The following TRAF3 variants were observed in gnomAD, a reference collection of about 807,000 sequenced individuals.
TRAF3 encodes the protein TNF receptor-associated factor 3.
TRAF3 carries 13 observed loss-of-function variants against 62.3 expected under a neutral mutation model. The ratio of observed to expected loss-of-function variants is 0.21; its 90% confidence interval spans 0.14 to 0.33. The LOEUF is 0.33. Among genes scored for constraint, TRAF3 ranks in the 10% least tolerant of loss-of-function variants. The pLI, the probability that TRAF3 is intolerant of heterozygous loss-of-function variation, is 1.00. For synonymous variants in TRAF3, 269 were observed against 283.4 expected (o/e 0.95, Z 0.51); for missense variants, 440 against 741.8 (o/e 0.59, Z 4.73).
chr14:102,857,962 T>C (rs1437278547), intron 2 of TRAF3, among the ~76,000 whole-genome samples: 1 of 152,184 alleles, frequency 6.6e-6, no homozygotes, highest in Non-Finnish European at 1.5e-5. Flanking sequence ...CTTTACTCAA[T>C]TGTCAAAAGC....
At chr14:102,818,460 G>T (rs1011859943) in intron 1 of TRAF3, among the ~76,000 whole-genome samples, 1 of 152,178 alleles carries the variant, frequency 6.6e-6, no homozygotes, top group African/African-American at 2.4e-5. Flanking sequence ...TCTTCTTGTG[G>T]ACAGATCAGG....
intron 9 of TRAF3, chr14:102,895,174 A>G (rs1173307999): frequency 2.2e-6 from 1 of 453,776 alleles, no homozygotes; most frequent in South Asian, 1.6e-5. Context: ...GCGATGCTGC[A>G]TATGGCCCGC....
chr14:102,884,102 G>A lies in TRAF3; in HGVS notation c.571-2087G>A, dbSNP rs111575294. ...TTATCCTGTCATAGTTCTGGGTCTG[G>A]AAATGCAAAACCAAGGCCCTGCTGT... On this transcript the variant is annotated intron_variant, in intron 6 of 11. Coordinates refer to ENST00000392745, the MANE Select transcript of TRAF3 (RefSeq NM_145725.3). 2.5e-3 allele frequency among the ~76,000 whole-genome samples: 388 copies of A among 152,366 alleles called. 3 individuals are homozygous for A. The highest frequency in any genetic ancestry group is 8.9e-3 in the African/African-American group (368 of 41,580).
At chr14:102,854,735 A>G (rs1887259365) in intron 2 of TRAF3, among the ~76,000 whole-genome samples, 1 of 150,150 alleles carries the variant, frequency 6.7e-6, no homozygotes, top group Non-Finnish European at 1.5e-5. Context: ...TACTGGCTTC[A>G]AGTGATCTGC....
At chr14:102,866,850 AACACACACACACACAC>A (rs538121314) in intron 2 of TRAF3, among the ~76,000 whole-genome samples, 47 of 132,272 alleles carry the variant, frequency 3.6e-4, no homozygotes, top group African/African-American at 1.3e-3. Context: ...ATCTCTTGAA[AACACACACACACACAC>A]ACACACACAC....
chr14:102,886,105 C>A (rs937340689), intron 6 of TRAF3, 84 bp from the exon 7 acceptor site: 2 of 1,355,494 alleles, frequency 1.5e-6, no homozygotes, highest in Admixed American at 3.6e-5. Flanking sequence ...CAGAGCCATT[C>A]CTGGGGGCCC....
chr14:102,886,288 G>T lies in TRAF3; in HGVS notation c.651+19G>T, dbSNP rs372165619. 17 of 1,599,084 alleles carry T rather than the reference G, an allele frequency of 1.1e-5. No homozygotes were observed. Among genetic ancestry groups the T allele is most frequent in the Non-Finnish European group, 1.4e-5 (17 of 1,175,314 alleles). ...GAGCGAGGTAGGGGCGGCCGGGCCC[G>T]GCCGGGAGTCTGTGGAGTCCTCAGG... On this transcript the variant is annotated intron_variant, in intron 7 of 11. Coordinates refer to ENST00000392745, the MANE Select transcript of TRAF3 (RefSeq NM_145725.3).
In TRAF3 at chr14:102,907,719, C is replaced by T. The variant is rs1227899734; in HGVS notation, c.*1935C>T. ...CCTGGGTGTGCCTTCGCCCCAGTGC[C>T]TGCTGGAAGTGCCCTCCGTCGCACC... On this transcript the variant is annotated 3_prime_UTR_variant, in exon 12 of 12. Transcript: ENST00000392745. 6.6e-6 allele frequency: 1 copy of T among 152,422 alleles called. No individual in the cohort carries two copies. Among genetic ancestry groups the T allele is most frequent in the African/African-American group, 2.4e-5 (1 of 41,462 alleles). 9.4% of individuals were successfully genotyped at this position (152,422 alleles called of 1,614,324 possible). A position where few individuals can be genotyped will look rare whatever the true frequency, so the allele number is the denominator to read the frequency against.
At position 102,826,803 on chromosome 14, in the gene TRAF3, G is replaced by T. The variant is rs1900338662; in HGVS notation, c.-156-3531G>T. ...CGCGTGGACTGTCACCTCTGTCAGG[G>T]GTGCCAGGGCTGCCAAAGGACAGCT... On this transcript the variant is annotated intron_variant, in intron 1 of 11. Coordinates refer to ENST00000392745, the MANE Select transcript of TRAF3 (RefSeq NM_145725.3). The surrounding 1 kb of genome is among the most constrained non-coding windows in gnomAD (Gnocchi z 4.6). Among the ~76,000 whole-genome samples, 1 of 152,160 alleles carries T rather than the reference G, an allele frequency of 6.6e-6. No homozygotes were observed. Among genetic ancestry groups the T allele is most frequent in the Non-Finnish European group, 1.5e-5 (1 of 68,030 alleles).
chr14:102,799,277 C>T (rs560243846), intron 1 of TRAF3, among the ~76,000 whole-genome samples: 3 of 152,194 alleles, frequency 2.0e-5, no homozygotes, highest in South Asian at 4.2e-4. Context: ...GTTGACACAG[C>T]GGGAGGAACC....
At chr14:102,830,874 A>G (rs748064832) in intron 2 of TRAF3, among the ~76,000 whole-genome samples, 1 of 152,204 alleles carries the variant, frequency 6.6e-6, no homozygotes. Context: ...ATGATACTGT[A>G]TTTACTAAGG....
Position 102,878,476 on chromosome 14 carries a change from G to A in TRAF3, c.570+1951G>A, listed in dbSNP as rs530464927. 5.6e-4 allele frequency among the ~76,000 whole-genome samples: 85 copies of A among 151,596 alleles called. 1 individual carries two copies. In the South Asian group the frequency reaches 0.013, roughly 23 times the overall value. On this transcript the variant is annotated intron_variant, in intron 6 of 11. Transcript: ENST00000392745. ...AAAGAGGAAAGCAGAGATGTTGGGGGTGGAGGACACACTTAGAAAACAATG... is the reference window on the plus strand; with the variant it reads ...AAAGAGGAAAGCAGAGATGTTGGGGATGGAGGACACACTTAGAAAACAATG...
intron 6 of TRAF3, among the ~76,000 whole-genome samples, chr14:102,881,750 A>G (rs1428790500): frequency 6.6e-6 from 1 of 152,230 alleles, no homozygotes; most frequent in East Asian, 1.9e-4. Flanking sequence ...AAATAAATAA[A>G]TATATAGCTA....
At chr14:102,838,718 GA>G (rs1254517640) in intron 2 of TRAF3, among the ~76,000 whole-genome samples, 1 of 152,178 alleles carries the variant, frequency 6.6e-6, no homozygotes, top group African/African-American at 2.4e-5. Context: ...TGAGGGAGGG[GA>G]TGCTGAGCCA....
chr14:102,904,651 A>G (rs918977983), intron 11 of TRAF3, among the ~76,000 whole-genome samples: 3 of 151,906 alleles, frequency 2.0e-5, no homozygotes, highest in Admixed American at 2.0e-4. Context: ...TCTAGTAAAA[A>G]TACAAAAAGT....
intron 1 of TRAF3, among the ~76,000 whole-genome samples, chr14:102,823,869 G>A (rs955195121): frequency 2.4e-4 from 30 of 126,866 alleles, no homozygotes; most frequent in African/African-American, 7.4e-4. Flanking sequence ...GACAGGATGT[G>A]TTTTCTGTGT....
At chr14:102,779,882 C>T (rs544362265) in intron 1 of TRAF3, among the ~76,000 whole-genome samples, 2 of 152,326 alleles carry the variant, frequency 1.3e-5, no homozygotes, top group African/African-American at 4.8e-5. Context: ...GCTGAATTTC[C>T]TTGCAATGGT....
chr14:102,839,210 C>CCTTTTTTTTTTTTTT (rs1310697452), intron 2 of TRAF3, among the ~76,000 whole-genome samples: 2 of 89,836 alleles, frequency 2.2e-5, no homozygotes, highest in African/African-American at 8.9e-5. Flanking sequence ...GTTGATTTGC[C>CCTTTTTTTTTTTTTT]TTTTTTTTTT....
At position 102,881,702 on chromosome 14, in the gene TRAF3, A is replaced by C. The variant is rs966131029; in HGVS notation, c.571-4487A>C. Among the ~76,000 whole-genome samples the C allele has an allele frequency of 3.3e-5, 5 of 152,240 alleles. No individual in the cohort carries two copies. In the East Asian group the frequency reaches 7.7e-4, roughly 23 times the overall value. On this transcript the variant is annotated intron_variant, in intron 6 of 11. Coordinates refer to ENST00000392745, the MANE Select transcript of TRAF3 (RefSeq NM_145725.3). The stretch of plus-strand genomic sequence containing the variant: ...ACCATGGCACACATTTACCTGTGTA[A>C]CAAACCCACGCATCTTGCACATGTA...
Sources: gnomAD v4.1 joint callset for allele counts (sites outside exome capture counted in the v4.1 genomes callset) on GRCh38, gnomAD v4.1.1 for gene constraint, Gnocchi (gnomAD v3.1) non-coding constraint, MANE v1.5 for transcripts, NCBI Gene and HGNC (gene_info 2026-07-23, HGNC 2026-07-21) for gene names.